Variants in GUCY1A2 observed in about 807,000 individuals in gnomAD.
GUCY1A2 encodes the protein guanylate cyclase 1 soluble subunit alpha 2.
Under a neutral mutation model 63.5 loss-of-function variants are expected in GUCY1A2, and 27 were observed. The observed-to-expected ratio is 0.43, with a 90% CI of 0.31 to 0.59. GUCY1A2 has a LOEUF of 0.59. GUCY1A2 is among the 20% of genes least tolerant of loss of function. GUCY1A2 has a pLI of 0.11. For synonymous variants in GUCY1A2, 364 were observed against 343.5 expected (o/e 1.06, Z -0.66); for missense variants, 768 against 913.3 (o/e 0.84, Z 2.05).
intron 4 of GUCY1A2, among the ~76,000 whole-genome samples, chr11:106,855,431 TTAGA>T (rs1859415658): frequency 6.6e-6 from 1 of 152,280 alleles, no homozygotes; most frequent in South Asian, 2.1e-4. Flanking sequence ...CAGTGTTCTC[TTAGA>T]TACTCTATTC....
intron 1 of GUCY1A2, among the ~76,000 whole-genome samples, chr11:106,995,700 A>G (rs1488328780): frequency 6.6e-6 from 1 of 152,252 alleles, no homozygotes; most frequent in Non-Finnish European, 1.5e-5. Flanking sequence ...TCTCTTGATT[A>G]TGAAGTAGTC....
intron 3 of GUCY1A2, among the ~76,000 whole-genome samples, chr11:106,966,176 C>A (rs553884043): frequency 6.6e-6 from 1 of 152,102 alleles, no homozygotes; most frequent in African/African-American, 2.4e-5. Context: ...GGCACCATGT[C>A]GGCTCACTAC....
intron 3 of GUCY1A2, among the ~76,000 whole-genome samples, chr11:106,971,247 A>G (rs2120096283): frequency 7.9e-6 from 1 of 126,158 alleles, no homozygotes; most frequent in Non-Finnish European, 1.7e-5. Flanking sequence ...GTGTGTGTTT[A>G]GGAGGTCAAA....
intron 4 of GUCY1A2, among the ~76,000 whole-genome samples, chr11:106,858,721 T>C (rs1367663631): frequency 6.6e-6 from 1 of 152,098 alleles, no homozygotes; most frequent in East Asian, 1.9e-4. Context: ...TTTGTTGGTA[T>C]CAAATATTGT....
chr11:106,984,328 CAG>C (rs1157663122), intron 2 of GUCY1A2, among the ~76,000 whole-genome samples: 1 of 152,110 alleles, frequency 6.6e-6, no homozygotes, highest in East Asian at 1.9e-4. Context: ...ATGCAATAAA[CAG>C]AACTAGGAAA....
intron 4 of GUCY1A2, among the ~76,000 whole-genome samples, chr11:106,925,916 A>G (rs1860515204): frequency 1.3e-5 from 2 of 152,190 alleles, no homozygotes; most frequent in Admixed American, 1.3e-4. Flanking sequence ...GAAATAAACC[A>G]TTCGTTCTGG....
intron 3 of GUCY1A2, among the ~76,000 whole-genome samples, chr11:106,953,863 G>A (rs934614627): frequency 1.2e-4 from 19 of 152,172 alleles, no homozygotes; most frequent in African/African-American, 4.6e-4. Context: ...GGGGTCAGTG[G>A]TGATATCCCA....
chr11:106,975,356 A>G (rs553550991), intron 3 of GUCY1A2, among the ~76,000 whole-genome samples: 169 of 152,290 alleles, frequency 1.1e-3, no homozygotes, highest in Non-Finnish European at 1.6e-3. Context: ...GAGCATAAAC[A>G]CATTTCTACT....
chr11:106,713,359 A>T (rs897290312), intron 6 of GUCY1A2, among the ~76,000 whole-genome samples: 6 of 152,260 alleles, frequency 3.9e-5, no homozygotes, highest in African/African-American at 1.4e-4. Context: ...TGAAAAACTT[A>T]AGCCTGTTTC....
chr11:107,018,145 C>T lies in GUCY1A2; in HGVS notation c.-90G>A. Reference sequence around the variant, plus strand: ...CGGTGGCGGGACCGGCAAGCGACAACGTTAAGCGCGTCGGGGCCGCGGGGC... The same window carrying T: ...CGGTGGCGGGACCGGCAAGCGACAATGTTAAGCGCGTCGGGGCCGCGGGGC... On this transcript the variant is annotated 5_prime_UTR_variant, in exon 1 of 8. Coordinates refer to ENST00000526355, the MANE Select transcript of GUCY1A2 (RefSeq NM_000855.3). The T allele has an allele frequency of 1.3e-6, 1 of 778,698 alleles. No homozygotes were observed. The highest frequency in any genetic ancestry group is 1.7e-6 in the Non-Finnish European group (1 of 579,004). 48.2% of individuals were successfully genotyped at this position (778,698 alleles called of 1,614,324 possible). A position where few individuals can be genotyped will look rare whatever the true frequency, so the allele number is the denominator to read the frequency against.
chr11:106,730,181 A>C (rs57528455), intron 6 of GUCY1A2, among the ~76,000 whole-genome samples: 10,065 of 149,070 alleles, frequency 0.068, 980 homozygotes, highest in African/African-American at 0.21. Context: ...GGTAAATTGC[A>C]TGTCACGGGT....
intron 1 of GUCY1A2, among the ~76,000 whole-genome samples, chr11:107,006,176 T>A (rs1358890026): frequency 6.6e-6 from 1 of 152,220 alleles, no homozygotes; most frequent in South Asian, 2.1e-4. Flanking sequence ...TCTCCTCTTT[T>A]CCCAGAATGC....
intron 3 of GUCY1A2, among the ~76,000 whole-genome samples, chr11:106,951,032 G>A (rs1193286407): frequency 6.6e-6 from 1 of 152,104 alleles, no homozygotes; most frequent in African/African-American, 2.4e-5. Flanking sequence ...GAGAACGATG[G>A]CTTCCAGCTT....
rs1862960567 is a variant in GUCY1A2, at chr11:106,708,627, C to T, written c.1876G>A (p.Val626Ile). The part of the protein sequence containing the change: ...GIHSGSVLAG[V>I]VGVRMPRYCL... ...TAACGTGGCATTCGCACCCCAACAA[C>T]TCCAGCCAGCACGGAGCCTGAGTGA... is the stretch of plus-strand genomic sequence containing the variant. The change falls in exon 7 of 8, where the codon GTT becomes ATT. Residue 626 changes from valine (V) to isoleucine (I), a missense_variant. Transcript: ENST00000526355. The T allele has an allele frequency of 6.2e-7, 1 of 1,611,798 alleles. No individual in the cohort carries two copies. The highest frequency in any genetic ancestry group is 8.5e-7 in the Non-Finnish European group (1 of 1,178,774).
At chr11:106,894,732 A>T (rs1209063529) in intron 4 of GUCY1A2, among the ~76,000 whole-genome samples, 2 of 152,196 alleles carry the variant, frequency 1.3e-5, no homozygotes, top group African/African-American at 4.8e-5. Flanking sequence ...AAATAAGTAC[A>T]CAACTTAGGA....
chr11:106,977,241 G>T (rs956537414), intron 3 of GUCY1A2, among the ~76,000 whole-genome samples: 2 of 152,086 alleles, frequency 1.3e-5, no homozygotes, highest in African/African-American at 2.4e-5. Context: ...TAAGAGAAAT[G>T]TATGTTACTG....
intron 1 of GUCY1A2, among the ~76,000 whole-genome samples, chr11:107,014,949 T>G (rs531928189): frequency 6.6e-6 from 1 of 152,184 alleles, no homozygotes; most frequent in Admixed American, 6.5e-5. Context: ...AGAGAGGACA[T>G]AATCCATCTC....
intron 3 of GUCY1A2, among the ~76,000 whole-genome samples, chr11:106,950,907 A>G (rs1860898561): frequency 6.6e-6 from 1 of 152,022 alleles, no homozygotes; most frequent in Non-Finnish European, 1.5e-5. Flanking sequence ...TCACCCTCCA[A>G]CAGGCCATGG....
intron 1 of GUCY1A2, among the ~76,000 whole-genome samples, chr11:106,993,746 A>T (rs1311011714): frequency 6.6e-6 from 1 of 152,226 alleles, no homozygotes; most frequent in Non-Finnish European, 1.5e-5. Flanking sequence ...CTTCAAGTAC[A>T]GCACTGCAAA....
Sources: gnomAD v4.1 joint callset for allele counts (sites outside exome capture counted in the v4.1 genomes callset) on GRCh38, gnomAD v4.1.1 for gene constraint, MANE v1.5 for transcripts, NCBI Gene and HGNC (gene_info 2026-07-23, HGNC 2026-07-21) for gene names.